The following SLC18A2 variants were observed in gnomAD, a reference collection of about 807,000 sequenced individuals.
The protein encoded by SLC18A2 is synaptic vesicular amine transporter.
Under a neutral mutation model 59.2 loss-of-function variants are expected in SLC18A2, and 33 were observed. That is an observed-to-expected ratio of 0.56 (90% CI 0.42 to 0.75). The LOEUF is 0.75. SLC18A2 is among the 30% of genes least tolerant of loss of function. The pLI, the probability that SLC18A2 is intolerant of heterozygous loss-of-function variation, is 0.00. For missense variants in SLC18A2, 569 were observed against 668.6 expected (o/e 0.85, Z 1.64); for synonymous variants, 228 against 253.5 (o/e 0.90, Z 0.95).
rs1396448847 is a variant in SLC18A2, at chr10:117,253,390, G to T, written c.465-9G>T. Reference sequence around the variant, plus strand: ...GTCACCAGATTTGTCTGATGTTTGTGTTTTGCAGAATTGGCTATCCAATTC... The same window carrying T: ...GTCACCAGATTTGTCTGATGTTTGTTTTTTGCAGAATTGGCTATCCAATTC... On this transcript the variant is annotated splice_polypyrimidine_tract_variant and intron_variant, in intron 3 of 15. Coordinates refer to ENST00000644641, the MANE Select transcript of SLC18A2 (RefSeq NM_003054.6). 1.9e-6 allele frequency: 3 copies of T among 1,610,700 alleles called. No individual in the cohort carries two copies. The highest frequency in any genetic ancestry group is 2.7e-5 in the African/African-American group (2 of 74,830).
Position 117,241,666 on chromosome 10 carries a change from A to C in SLC18A2, c.-15-13A>C. The C allele has an allele frequency of 6.4e-7, 1 of 1,552,804 alleles. No individual in the cohort carries two copies. The highest frequency in any genetic ancestry group is 1.4e-5 in the African/African-American group (1 of 72,182). On this transcript the variant is annotated splice_polypyrimidine_tract_variant and intron_variant, in intron 1 of 15. Coordinates refer to ENST00000644641, the MANE Select transcript of SLC18A2 (RefSeq NM_003054.6). The stretch of plus-strand genomic sequence containing the variant: ...CGGCCGCCTTGGGTCCTCACCGCGC[A>C]CCGCGCCCGCAGCGGAGCCCCGGAG...
rs1168974650 is a variant in SLC18A2 at position 117,255,662 on chromosome 10, G to T, written c.895+5G>T. On this transcript the variant is annotated splice_donor_5th_base_variant and intron_variant, in intron 9 of 15. Coordinates refer to ENST00000644641, the MANE Select transcript of SLC18A2 (RefSeq NM_003054.6). ...CGTACATCCTCATTGCTGCAGGTGGGGCTCTGTGGGTCTTCTGAGTCAGGG... is the reference window on the plus strand; with the variant it reads ...CGTACATCCTCATTGCTGCAGGTGGTGCTCTGTGGGTCTTCTGAGTCAGGG... 1.9e-6 allele frequency: 3 copies of T among 1,612,622 alleles called. No individual in the cohort carries two copies. The highest frequency in any genetic ancestry group is 2.5e-6 in the Non-Finnish European group (3 of 1,179,832).
At chr10:117,264,592 G>A (rs73389874) in intron 10 of SLC18A2, among the ~76,000 whole-genome samples, 2,297 of 152,282 alleles carry the variant, frequency 0.015, 35 homozygotes, top group African/African-American at 0.037. Context: ...TGGAGTCTGG[G>A]CCCTCTGGGT....
At chr10:117,260,351 T>C (rs1844281353) in intron 10 of SLC18A2, among the ~76,000 whole-genome samples, 2 of 152,250 alleles carry the variant, frequency 1.3e-5, no homozygotes, top group South Asian at 2.1e-4. Flanking sequence ...CCTTTCTGGC[T>C]GTGAGGCACA....
intron 10 of SLC18A2, among the ~76,000 whole-genome samples, chr10:117,259,586 C>G (rs1844271265): frequency 1.3e-5 from 2 of 152,202 alleles, no homozygotes; most frequent in Non-Finnish European, 2.9e-5. Context: ...ATATTTTACC[C>G]TTATCCTACA....
chr10:117,245,574 T>C (rs143583632), intron 3 of SLC18A2, among the ~76,000 whole-genome samples: 59 of 152,026 alleles, frequency 3.9e-4, no homozygotes, highest in African/African-American at 1.2e-3. Flanking sequence ...GGCGCAGGAC[T>C]GGCTGCATAA....
rs753550031 is a variant in SLC18A2 at position 117,244,041 on chromosome 10, G to A, written c.192G>A (p.Arg64=). The A allele has an allele frequency of 1.1e-5, 17 of 1,613,962 alleles. No individual in the cohort carries two copies. In the East Asian group the frequency reaches 3.1e-4, roughly 30 times the overall value. ...EKNATEIQTA[R]PVHTASISDS... The stretch of plus-strand genomic sequence containing the variant: ...ATGCTACAGAAATCCAGACGGCCAG[G>A]CCAGTGCACACTGCCTCCATCTCAG... Residue 64 remains arginine (R), a synonymous_variant, in exon 3 of 16, where the codon AGG becomes AGA. Transcript: ENST00000644641.
Position 117,241,697 on chromosome 10 carries a change from G to A in SLC18A2, c.4G>A (p.Ala2Thr). The A allele has an allele frequency of 1.3e-6, 2 of 1,592,408 alleles. No homozygotes were observed. The highest frequency in any genetic ancestry group is 1.7e-6 in the Non-Finnish European group (2 of 1,171,054). Residue 2 changes from alanine to threonine, a missense_variant, in exon 2 of 16, where the codon GCC becomes ACC. Coordinates refer to ENST00000644641, the MANE Select transcript of SLC18A2 (RefSeq NM_003054.6). The stretch of plus-strand genomic sequence containing the variant: ...CCCGCAGCGGAGCCCCGGAGCCATG[G>A]CCCTGAGCGAGCTGGCGCTGGTCCG... M[A>T]LSELALVRWL...
In SLC18A2 at chr10:117,244,224, G is replaced by C; in HGVS notation, c.375G>C (p.Leu125=). 6.2e-7 allele frequency: 1 copy of C among 1,614,216 alleles called. No homozygotes were observed. The highest frequency in any genetic ancestry group is 2.2e-5 in the East Asian group (1 of 44,892). The change falls in exon 3 of 16, where the codon CTG becomes CTC. Residue 125 remains leucine (L), a synonymous_variant. Coordinates refer to ENST00000644641, the MANE Select transcript of SLC18A2 (RefSeq NM_003054.6). ...GTCCCAGTGAAGACAAAGACCTCCT[G>C]AATGAAAACGTGCAAGTTGGTCTGT... The part of the protein sequence containing the change: ...SDCPSEDKDL[L]NENVQVGLLF...
At chr10:117,249,488 C>T (rs1844139997) in intron 3 of SLC18A2, among the ~76,000 whole-genome samples, 1 of 152,212 alleles carries the variant, frequency 6.6e-6, no homozygotes, top group Admixed American at 6.5e-5. Context: ...CATTTACTGA[C>T]ATTCATTTAC....
At chr10:117,241,605 T>C in intron 1 of SLC18A2, 74 bp from the exon 2 acceptor site, 1 of 1,422,066 alleles carries the variant, frequency 7.0e-7, no homozygotes, top group Non-Finnish European at 9.2e-7. Context: ...TGACCCGCCC[T>C]TCCGCGGCCT....
chr10:117,246,332 C>CT, intron 3 of SLC18A2, among the ~76,000 whole-genome samples: 1 of 152,152 alleles, frequency 6.6e-6, no homozygotes, highest in Non-Finnish European at 1.5e-5. Flanking sequence ...AAATGAAAAG[C>CT]TTTTTTAAAA....
At chr10:117,257,152 G>A (rs1392616058) in intron 9 of SLC18A2, among the ~76,000 whole-genome samples, 1 of 152,232 alleles carries the variant, frequency 6.6e-6, no homozygotes, top group Non-Finnish European at 1.5e-5. Flanking sequence ...GAGGTTCCAA[G>A]AGGCACAACA....
chr10:117,256,616 A>C (rs1230490122), intron 9 of SLC18A2, among the ~76,000 whole-genome samples: 1 of 152,174 alleles, frequency 6.6e-6, no homozygotes, highest in Non-Finnish European at 1.5e-5. Flanking sequence ...GGATTTGATT[A>C]GGGCAGCAGG....
In SLC18A2 at chr10:117,278,485, G is replaced by T. The variant is rs1161345786; in HGVS notation, c.*1219G>T. The T allele has an allele frequency of 6.6e-6, 1 of 152,198 alleles. No homozygotes were observed. The highest frequency in any genetic ancestry group is 1.5e-5 in the Non-Finnish European group (1 of 68,040). The allele number at this position is 152,198 out of a possible 1,614,324, so 9.4% of individuals were successfully genotyped here. On this transcript the variant is annotated 3_prime_UTR_variant, in exon 16 of 16. Coordinates refer to ENST00000644641, the MANE Select transcript of SLC18A2 (RefSeq NM_003054.6). ...ATGACAACATTGATGTGCCTTTTCA[G>T]TGTAACAGCAAATACTGTTAGTGAA...
At chr10:117,256,171 C>T (rs1457819396) in intron 9 of SLC18A2, among the ~76,000 whole-genome samples, 1 of 152,206 alleles carries the variant, frequency 6.6e-6, no homozygotes, top group Non-Finnish European at 1.5e-5. Context: ...TTCAAACACC[C>T]TTTGGCTAAA....
intron 10 of SLC18A2, 32 bp downstream of exon 10, chr10:117,257,924 G>A (rs775711802): frequency 1.3e-6 from 2 of 1,504,268 alleles, no homozygotes; most frequent in Non-Finnish European, 1.8e-6. Context: ...TCTGATTCAA[G>A]AGCATTTGTC....
Position 117,241,709 on chromosome 10 carries a change from C to A in SLC18A2, c.16C>A (p.Leu6Met), listed in dbSNP as rs757075197. Residue 6 changes from leucine (L) to methionine (M), a missense_variant, in exon 2 of 16, where the codon CTG becomes ATG. Around this residue, in one of 2 missense-constraint regions of SLC18A2, gnomAD observed 377 missense variants for 389.8 expected, o/e 0.97. Coordinates refer to ENST00000644641, the MANE Select transcript of SLC18A2 (RefSeq NM_003054.6). Reference sequence around the variant, plus strand: ...CCCCGGAGCCATGGCCCTGAGCGAGCTGGCGCTGGTCCGCTGGCTGCAGGA... The same window carrying A: ...CCCCGGAGCCATGGCCCTGAGCGAGATGGCGCTGGTCCGCTGGCTGCAGGA... MALSE[L>M]ALVRWLQESR... 1.2e-6 allele frequency: 2 copies of A among 1,600,732 alleles called. No homozygotes were observed. The highest frequency in any genetic ancestry group is 2.2e-5 in the South Asian group (2 of 89,566).
In SLC18A2 at chr10:117,244,270, G is replaced by A. The variant is rs756722746; in HGVS notation, c.421G>A (p.Val141Ile). Residue 141 changes from valine to isoleucine, a missense_variant, in exon 3 of 16, where the codon GTC (valine) becomes ATC (isoleucine). Val to Ile is a conservative substitution (Grantham distance 29, BLOSUM62 3). Transcript: ENST00000644641. ...VGLLFASKAT[V>I]QLITNPFIGL... ...TCTGTTGTTTGCCTCGAAAGCCACC[G>A]TCCAGCTCATCACCAACCCTTTCAT... 1.4e-5 allele frequency: 23 copies of A among 1,614,044 alleles called. No individual in the cohort carries two copies. The South Asian group carries it at 1.9e-4, about 13-fold the overall frequency.
Sources: allele counts gnomAD v4.1 joint callset (sites outside exome capture counted in the v4.1 genomes callset), GRCh38; gene constraint gnomAD v4.1.1; regional missense constraint gnomAD v4.1.1; transcripts MANE v1.5; gene names NCBI Gene and HGNC (gene_info 2026-07-23, HGNC 2026-07-21).